KCND2: variants seen among roughly 807,000 people sequenced by gnomAD.
The protein encoded by KCND2 is A-type voltage-gated potassium channel KCND2.
In KCND2, 16 loss-of-function variants were observed where a neutral mutation model predicts 54.4. That is an observed-to-expected ratio of 0.29 (90% CI 0.20 to 0.45). The LOEUF (loss-of-function observed/expected upper bound fraction) is 0.45. Ranked by LOEUF, KCND2 falls within the 20% of genes least tolerant of loss-of-function variation. The pLI is 1.00. For missense variants in KCND2, 486 were observed against 824.2 expected (o/e 0.59, Z 5.02); for synonymous variants, 317 against 310.7 (o/e 1.02, Z -0.21).
At chr7:120,331,603 G>A (rs765872476) in intron 1 of KCND2, among the ~76,000 whole-genome samples, 5 of 151,988 alleles carry the variant, frequency 3.3e-5, no homozygotes, top group Admixed American at 6.6e-5. Context: ...TAGCAGAAAC[G>A]ATGAGATGAT....
intron 1 of KCND2, among the ~76,000 whole-genome samples, chr7:120,576,428 A>G (rs983218510): frequency 2.0e-5 from 3 of 152,164 alleles, no homozygotes; most frequent in African/African-American, 4.8e-5. Context: ...GGTTGATTCC[A>G]TTGTTTTAAT....
intron 1 of KCND2, among the ~76,000 whole-genome samples, chr7:120,705,976 T>C (rs1327761291): frequency 2.0e-5 from 3 of 152,088 alleles, no homozygotes; most frequent in Non-Finnish European, 4.4e-5. Flanking sequence ...GGGTCCTTTA[T>C]TGACTAACTT....
chr7:120,531,147 C>G (rs924517037), intron 1 of KCND2, among the ~76,000 whole-genome samples: 11 of 152,092 alleles, frequency 7.2e-5, no homozygotes, highest in African/African-American at 2.4e-4. Context: ...CTGTATTTCT[C>G]TAGTCAATTC....
chr7:120,722,396 G>A (rs1792679506), intron 1 of KCND2, among the ~76,000 whole-genome samples: 1 of 152,112 alleles, frequency 6.6e-6, no homozygotes, highest in Non-Finnish European at 1.5e-5. Context: ...CCGCCAGGAG[G>A]GATACAACTT....
intron 5 of KCND2, among the ~76,000 whole-genome samples, chr7:120,747,309 A>G (rs571176892): frequency 1.8e-4 from 28 of 152,242 alleles, no homozygotes; most frequent in African/African-American, 6.3e-4. Context: ...TAAGAAATCA[A>G]TGTGATATGG....
chr7:120,333,815 T>G (rs999924129), intron 1 of KCND2, among the ~76,000 whole-genome samples: 2 of 152,180 alleles, frequency 1.3e-5, no homozygotes, highest in African/African-American at 4.8e-5. Flanking sequence ...GGTTGCTCAG[T>G]ATTACACTGT....
intron 1 of KCND2, among the ~76,000 whole-genome samples, chr7:120,343,919 A>G (rs371908200): frequency 1.1e-3 from 106 of 99,598 alleles, no homozygotes; most frequent in Non-Finnish European, 2.1e-3. Context: ...CACCACAACT[A>G]TCATTCTAGA....
intron 1 of KCND2, among the ~76,000 whole-genome samples, chr7:120,320,201 T>C (rs931527918): frequency 2.6e-5 from 4 of 151,778 alleles, no homozygotes; most frequent in African/African-American, 9.7e-5. Flanking sequence ...GCACGTAATA[T>C]AGTAATATAA....
chr7:120,601,759 T>G (rs1792816272), intron 1 of KCND2, among the ~76,000 whole-genome samples: 1 of 152,172 alleles, frequency 6.6e-6, no homozygotes, highest in Non-Finnish European at 1.5e-5. Context: ...TTTCTACCTC[T>G]GCCCACAAAA....
intron 1 of KCND2, among the ~76,000 whole-genome samples, chr7:120,379,962 G>A (rs564453135): frequency 6.6e-6 from 1 of 152,142 alleles, no homozygotes; most frequent in South Asian, 2.1e-4. Flanking sequence ...TATGACACTA[G>A]GCTTTGGAGT....
chr7:120,662,511 A>G (rs146781158), intron 1 of KCND2, among the ~76,000 whole-genome samples: 63 of 152,314 alleles, frequency 4.1e-4, no homozygotes, highest in African/African-American at 1.5e-3. Flanking sequence ...GGATCTCTCT[A>G]TTGCATGTCT....
intron 1 of KCND2, among the ~76,000 whole-genome samples, chr7:120,307,084 G>C (rs574906223): frequency 6.6e-6 from 1 of 151,896 alleles, no homozygotes; most frequent in East Asian, 1.9e-4. Flanking sequence ...TTTATGCTGT[G>C]TTAGATTACA....
intron 1 of KCND2, among the ~76,000 whole-genome samples, chr7:120,598,579 C>T (rs1203309172): frequency 9.0e-5 from 2 of 22,238 alleles, no homozygotes; most frequent in African/African-American, 1.9e-4. Flanking sequence ...GCAGGGGGGG[C>T]GGGGCGGGTG....
At chr7:120,386,611 CA>C (rs1435349880) in intron 1 of KCND2, among the ~76,000 whole-genome samples, 6 of 152,078 alleles carry the variant, frequency 3.9e-5, no homozygotes, top group Non-Finnish European at 5.9e-5. Flanking sequence ...TTTAGAAAAC[CA>C]GAAATATTTG....
At chr7:120,726,835 T>A (rs1441270000) in intron 1 of KCND2, among the ~76,000 whole-genome samples, 1 of 152,198 alleles carries the variant, frequency 6.6e-6, no homozygotes, top group Non-Finnish European at 1.5e-5. Context: ...ATCTGTTCAT[T>A]CATTCTATTC....
chr7:120,652,286 G>A (rs1281827494), intron 1 of KCND2, among the ~76,000 whole-genome samples: 1 of 152,108 alleles, frequency 6.6e-6, no homozygotes, highest in Non-Finnish European at 1.5e-5. Flanking sequence ...ATGTTGGCCA[G>A]GATGGTCTTG....
intron 1 of KCND2, among the ~76,000 whole-genome samples, chr7:120,700,512 T>C (rs1330830873): frequency 6.6e-6 from 1 of 152,196 alleles, no homozygotes; most frequent in Non-Finnish European, 1.5e-5. Context: ...TTTTCTTTGT[T>C]TGAAGCCAAT....
At chr7:120,335,480 T>C (rs964418437) in intron 1 of KCND2, among the ~76,000 whole-genome samples, 10 of 137,312 alleles carry the variant, frequency 7.3e-5, no homozygotes, top group African/African-American at 2.0e-4. Flanking sequence ...TATTTATTTA[T>C]TTATTTATTT....
chr7:120,442,725 A>G (rs1280519105), intron 1 of KCND2, among the ~76,000 whole-genome samples: 2 of 152,100 alleles, frequency 1.3e-5, no homozygotes. Flanking sequence ...ATTAGGTCCA[A>G]CAGCATGTGA....
Sources: allele counts gnomAD v4.1 joint callset (sites outside exome capture counted in the v4.1 genomes callset), GRCh38; gene constraint gnomAD v4.1.1; transcripts MANE v1.5; gene names NCBI Gene and HGNC (gene_info 2026-07-23, HGNC 2026-07-21).